Variants in AP3D1 observed in about 807,000 individuals in gnomAD.
The protein encoded by AP3D1 is AP-3 complex subunit delta-1.
A neutral mutation model predicts 147.6 loss-of-function variants in AP3D1; 51 were observed. The observed-to-expected ratio is 0.35, with a 90% CI of 0.28 to 0.44. The LOEUF (loss-of-function observed/expected upper bound fraction) is 0.44. Ranked by LOEUF, AP3D1 falls within the 20% of genes least tolerant of loss-of-function variation. The pLI, the probability that AP3D1 is intolerant of heterozygous loss-of-function variation, is 1.00. For missense variants in AP3D1, 1,421 were observed against 1,624.2 expected (o/e 0.87, Z 2.15); for synonymous variants, 760 against 663.0 (o/e 1.15, Z -2.25).
chr19:2,144,103 A>T (rs1269617376), intron 1 of AP3D1, among the ~76,000 whole-genome samples: 1 of 148,412 alleles, frequency 6.7e-6, no homozygotes, highest in Non-Finnish European at 1.5e-5. Flanking sequence ...AAAAAAAAAG[A>T]ATTCCAAGTC....
In AP3D1 at chr19:2,113,431, G is replaced by GC. The variant is rs1179051730; in HGVS notation, c.2602-19dup. ...TCCTCAGCCTGAAACCACAAGACAG[G>GC]CTGTCAGCAAACGCAGTGCAATGGT... On this transcript the variant is annotated intron_variant, in intron 22 of 31. Transcript: ENST00000643116. The GC allele has an allele frequency of 1.1e-5, 16 of 1,443,182 alleles. No homozygotes were observed. Among genetic ancestry groups the GC allele is most frequent in the Non-Finnish European group, 1.5e-5 (16 of 1,094,040 alleles). The allele number at this position is 1,443,182 out of a possible 1,614,324, so 89.4% of individuals were successfully genotyped here.
intron 9 of AP3D1, among the ~76,000 whole-genome samples, chr19:2,126,363 A>G (rs1414211439): frequency 6.6e-6 from 1 of 151,988 alleles, no homozygotes; most frequent in Non-Finnish European, 1.5e-5. Flanking sequence ...GCCTTAGAAA[A>G]TATTTTTGTG....
chr19:2,155,103 C>A (rs1409385395), upstream of AP3D1, among the ~76,000 whole-genome samples: 3 of 152,034 alleles, frequency 2.0e-5, no homozygotes, highest in Non-Finnish European at 2.9e-5. Flanking sequence ...ATTGCTTGAA[C>A]CCAGGAGGTG....
rs775574211 is a variant in AP3D1, at chr19:2,115,282, C to T, written c.2286G>A (p.Thr762=). 27 of 1,613,332 alleles carry T rather than the reference C, an allele frequency of 1.7e-5. No individual in the cohort carries two copies. The highest frequency in any genetic ancestry group is 1.1e-4 in the East Asian group (5 of 44,894). ...CAGGGGCGATGTCCTCGTCGCTCTC[C>T]GTGGGCAGCGAGCTGTGGCGGCGCT... ...KGKRRHSSLP[T]ESDEDIAPAQ... is the part of the protein sequence containing the mutation. The change falls in exon 20 of 32, where the codon ACG becomes ACA. Residue 762 remains threonine, a synonymous_variant. Transcript: ENST00000643116.
chr19:2,123,238 C>T (rs2018659238), intron 11 of AP3D1, 120 bp downstream of exon 11: 2 of 1,023,088 alleles, frequency 2.0e-6, no homozygotes, highest in African/African-American at 1.6e-5. Context: ...GAGTGCCATC[C>T]ATCAGGGAGA....
rs2019500965 is a variant in AP3D1, at chr19:2,151,230, C to T, written c.96+9G>A. On this transcript the variant is annotated intron_variant, in intron 1 of 31. Transcript: ENST00000643116. ...CAGGCCGAGCAGCCCCTTGGCGCGC[C>T]GGGCTCACCTCGTCCTCCTTGTGGT... 2 of 1,608,592 alleles carry T rather than the reference C, an allele frequency of 1.2e-6. No individual in the cohort carries two copies. Among genetic ancestry groups the T allele is most frequent in the Non-Finnish European group, 8.5e-7 (1 of 1,177,382 alleles).
chr19:2,134,048 C>CA (rs1479323404), intron 4 of AP3D1, among the ~76,000 whole-genome samples: 3 of 151,912 alleles, frequency 2.0e-5, no homozygotes, highest in African/African-American at 7.3e-5. Context: ...GCAGAGGTTG[C>CA]AGTGAGCCGA....
intron 15 of AP3D1, among the ~76,000 whole-genome samples, chr19:2,118,180 AAAAC>A (rs1599456252): frequency 6.6e-6 from 1 of 152,238 alleles, no homozygotes; most frequent in Non-Finnish European, 1.5e-5. Flanking sequence ...AACAAAACAA[AAAAC>A]AAGCAGAAAA....
At position 2,112,946 on chromosome 19, in the gene AP3D1, CAGT is replaced by C. The variant is rs1260074558; in HGVS notation, c.2698_2700del (p.Thr900del). 6 of 1,612,636 alleles carry C rather than the reference CAGT, an allele frequency of 3.7e-6. No homozygotes were observed. The highest frequency in any genetic ancestry group is 5.1e-6 in the Non-Finnish European group (6 of 1,179,534). ...TCACACTCGTCCTTCGGGGTAGTGA[CAGT>C]GTTCACACTGAGCTCCCCCTGCAGG... On this transcript the variant is annotated inframe_deletion, in exon 24 of 32. Coordinates refer to ENST00000643116, the MANE Select transcript of AP3D1 (RefSeq NM_001261826.3).
chr19:2,108,798 G>C (rs557215176), intron 30 of AP3D1, 32 bp from the exon 31 acceptor site: 1 of 1,550,286 alleles, frequency 6.5e-7, no homozygotes, highest in South Asian at 1.2e-5. Context: ...TAGGCTTCCC[G>C]GACATTGCAT....
chr19:2,113,977 C>A lies in AP3D1; in HGVS notation c.2601+148G>T, dbSNP rs544672785. 17 of 1,387,686 alleles carry A rather than the reference C, an allele frequency of 1.2e-5. No homozygotes were observed. The African/African-American group carries it at 2.0e-4, about 17-fold the overall frequency. 86.0% of individuals were successfully genotyped at this position (1,387,686 alleles called of 1,614,324 possible). On this transcript the variant is annotated intron_variant, in intron 22 of 31. Coordinates refer to ENST00000643116, the MANE Select transcript of AP3D1 (RefSeq NM_001261826.3). The stretch of plus-strand genomic sequence containing the variant: ...GCTCCCCTCAGAAGCCACATGTCCT[C>A]ACTCCGCCGGGGCACAGGGCGAGGC...
chr19:2,123,966 T>G (rs964326972), intron 9 of AP3D1, 87 bp from the exon 10 acceptor site: 22 of 1,418,374 alleles, frequency 1.6e-5, no homozygotes, highest in Admixed American at 1.2e-4. Flanking sequence ...CAGCACCCCC[T>G]CGCCGGGAGG....
At chr19:2,146,053 G>A (rs1374065219) in intron 1 of AP3D1, among the ~76,000 whole-genome samples, 4 of 152,002 alleles carry the variant, frequency 2.6e-5, no homozygotes, top group Non-Finnish European at 4.4e-5. Flanking sequence ...GGGCCTCTAC[G>A]GCTTGAGTCC....
Position 2,121,317 on chromosome 19 carries a change from C to A in AP3D1, c.1102-6G>T. ...ATCAGGTTCTTCTTGGACACCTGGGCAAAAGTGTACAGACAGTGGTGAGAG... is the reference window on the plus strand; with the variant it reads ...ATCAGGTTCTTCTTGGACACCTGGGAAAAAGTGTACAGACAGTGGTGAGAG... On this transcript the variant is annotated splice_region_variant and splice_polypyrimidine_tract_variant and intron_variant, in intron 12 of 31. Coordinates refer to ENST00000643116, the MANE Select transcript of AP3D1 (RefSeq NM_001261826.3). 1 of 1,613,856 alleles carries A rather than the reference C, an allele frequency of 6.2e-7. No homozygotes were observed. Among genetic ancestry groups the A allele is most frequent in the South Asian group, 1.1e-5 (1 of 91,064 alleles).
chr19:2,120,887 C>T lies in AP3D1; in HGVS notation c.1456G>A (p.Ala486Thr), dbSNP rs1452569078. 6 of 1,609,900 alleles carry T rather than the reference C, an allele frequency of 3.7e-6. No homozygotes were observed. The highest frequency in any genetic ancestry group is 1.3e-5 in the African/African-American group (1 of 74,926). Reference protein sequence around the residue: ...NGICEVLYAAAWICGEFSEHL... With the variant: ...NGICEVLYAATWICGEFSEHL... ...TCTGAGAACTCCCCGCAGATCCAGG[C>T]GGCAGCGTACAGCACCTCACAGATC... is the stretch of plus-strand genomic sequence containing the variant. Residue 486 changes from alanine (A) to threonine (T), a missense_variant, in exon 14 of 32, where the codon GCC (alanine) becomes ACC (threonine). This residue lies in a region of AP3D1 where 310 missense variants were observed against 388.1 expected (regional missense o/e 0.80). Coordinates refer to ENST00000643116, the MANE Select transcript of AP3D1 (RefSeq NM_001261826.3).
chr19:2,163,208 G>T (rs1468199253), intron 1 of AP3D1, among the ~76,000 whole-genome samples: 1 of 152,020 alleles, frequency 6.6e-6, no homozygotes, highest in African/African-American at 2.4e-5. Context: ...GCAGTAGCTG[G>T]GATTACAGGC....
intron 18 of AP3D1, 45 bp from the exon 19 acceptor site, chr19:2,115,658 C>A: frequency 6.3e-7 from 1 of 1,583,654 alleles, no homozygotes; most frequent in South Asian, 1.1e-5. Flanking sequence ...CGAGGGGTGA[C>A]ACACGTGCAA....
rs770510212 is a variant in AP3D1 at position 2,132,519 on chromosome 19, G to A, written c.414C>T (p.Phe138=). 9.1e-5 allele frequency: 147 copies of A among 1,611,374 alleles called. No homozygotes were observed. The highest frequency in any genetic ancestry group is 1.2e-4 in the Non-Finnish European group (141 of 1,177,854). ...TGVALTGLSC[F]VTPDLARDLA... ...GGTCTCTGGCAAGGTCTGGGGTGAC[G>A]AAGCAGGACAGACCCGTCAGTGCAA... Residue 138 remains phenylalanine (F), a synonymous_variant, in exon 5 of 32, where the codon TTC becomes TTT. Transcript: ENST00000643116.
chr19:2,112,720 A>G, intron 24 of AP3D1, 140 bp downstream of exon 24: 2 of 593,332 alleles, frequency 3.4e-6, no homozygotes, highest in South Asian at 4.4e-5. Flanking sequence ...AACCACAACA[A>G]AAGGCCCGTG....
Sources: gnomAD v4.1 joint callset for allele counts (sites outside exome capture counted in the v4.1 genomes callset) on GRCh38, gnomAD v4.1.1 for gene constraint, gnomAD v4.1.1 regional missense constraint, MANE v1.5 for transcripts, NCBI Gene and HGNC (gene_info 2026-07-23, HGNC 2026-07-21) for gene names.